EXO1: variants seen among roughly 807,000 people sequenced by gnomAD.
The protein encoded by EXO1 is exonuclease 1.
Under a neutral mutation model 84.5 loss-of-function variants are expected in EXO1, and 69 were observed. The ratio of observed to expected loss-of-function variants is 0.82; its 90% confidence interval spans 0.67 to 1.00. The LOEUF (loss-of-function observed/expected upper bound fraction) is 1.00. EXO1 is among the 50% of genes least tolerant of loss of function. The pLI, the probability that EXO1 is intolerant of heterozygous loss-of-function variation, is 0.00. For synonymous variants in EXO1, 373 were observed against 366.1 expected (o/e 1.02, Z -0.21); for missense variants, 1,045 against 1,000.7 (o/e 1.04, Z -0.60).
chr1:241,856,355 C>G (rs1290669961), intron 6 of EXO1, among the ~76,000 whole-genome samples: 1 of 150,810 alleles, frequency 6.6e-6, no homozygotes, highest in African/African-American at 2.4e-5. Flanking sequence ...TTCCAGCTGC[C>G]TAGATTTTGA....
chr1:241,852,559 C>G lies in EXO1; in HGVS notation c.281+148C>G, dbSNP rs1660732966. The G allele has an allele frequency of 1.7e-5, 12 of 722,544 alleles. No individual in the cohort carries two copies. In the South Asian group the frequency reaches 1.8e-4, roughly 11 times the overall value. 44.8% of individuals were successfully genotyped at this position (722,544 alleles called of 1,614,324 possible). A position where few individuals can be genotyped will look rare whatever the true frequency, so the allele number is the denominator to read the frequency against. ...ACTCGGGAGGTTGAGGCAAGAGGATCACTTGAGCCCAGGAGTTCAGCACCT... is the reference window on the plus strand; with the variant it reads ...ACTCGGGAGGTTGAGGCAAGAGGATGACTTGAGCCCAGGAGTTCAGCACCT... On this transcript the variant is annotated intron_variant, in intron 5 of 15. Coordinates refer to ENST00000366548, the MANE Select transcript of EXO1 (RefSeq NM_130398.4).
In EXO1 at chr1:241,878,411, T is replaced by G. The variant is rs974894850; in HGVS notation, c.1515-338T>G. On this transcript the variant is annotated intron_variant, in intron 12 of 15. Transcript: ENST00000366548. ...ACTCAGGAGGCTGAGGCAGGAGAAT[T>G]GCTTGAACCCGGGGGGCGGAGGTTG... 1.9e-4 allele frequency among the ~76,000 whole-genome samples: 28 copies of G among 151,316 alleles called. 1 individual carries two copies. The highest frequency in any genetic ancestry group is 4.9e-5 in the African/African-American group (2 of 41,132).
intron 15 of EXO1, among the ~76,000 whole-genome samples, chr1:241,888,196 C>T (rs1052720941): frequency 5.3e-5 from 8 of 151,902 alleles, no homozygotes; most frequent in Admixed American, 1.3e-4. Flanking sequence ...ACTGAGATTG[C>T]GGCACTGCAC....
chr1:241,861,594 A>G lies in EXO1; in HGVS notation c.1041+92A>G, dbSNP rs932074517. Reference sequence around the variant, plus strand: ...AATCTTCATACACTAAGCTTCTTTTAAGCGTTTCTATATCCAGGCTCTGTG... The same window carrying G: ...AATCTTCATACACTAAGCTTCTTTTGAGCGTTTCTATATCCAGGCTCTGTG... On this transcript the variant is annotated intron_variant, in intron 10 of 15. Coordinates refer to ENST00000366548, the MANE Select transcript of EXO1 (RefSeq NM_130398.4). 3.9e-6 allele frequency: 3 copies of G among 773,604 alleles called. No homozygotes were observed. In the African/African-American group the frequency reaches 5.1e-5, roughly 13 times the overall value. The allele number at this position is 773,604 out of a possible 1,614,324, so 47.9% of individuals were successfully genotyped here.
chr1:241,887,660 A>G (rs1399055931), intron 15 of EXO1, among the ~76,000 whole-genome samples: 1 of 151,952 alleles, frequency 6.6e-6, no homozygotes, highest in Non-Finnish European at 1.5e-5. Context: ...TTATTTTGAG[A>G]CAGAGTCTCT....
intron 12 of EXO1, among the ~76,000 whole-genome samples, chr1:241,874,730 T>C (rs1662293098): frequency 6.6e-6 from 1 of 152,366 alleles, no homozygotes; most frequent in African/African-American, 2.4e-5. Context: ...GGACTAACAA[T>C]TATAACAGCC....
At chr1:241,876,407 C>T (rs1662404762) in intron 12 of EXO1, among the ~76,000 whole-genome samples, 2 of 151,704 alleles carry the variant, frequency 1.3e-5, no homozygotes, top group African/African-American at 4.8e-5. Context: ...CATAGTGAAA[C>T]CCCGTCTCTA....
At chr1:241,878,207 G>A (rs1002709636) in intron 12 of EXO1, among the ~76,000 whole-genome samples, 2 of 152,170 alleles carry the variant, frequency 1.3e-5, no homozygotes, top group African/African-American at 4.8e-5. Flanking sequence ...CTTTTAGAAA[G>A]TCCTCTCTAG....
intron 10 of EXO1, among the ~76,000 whole-genome samples, chr1:241,865,195 A>T (rs79141503): frequency 0.11 from 13,040 of 120,358 alleles, 788 homozygotes; most frequent in Admixed American, 0.23. Flanking sequence ...ATATATATAT[A>T]TTTTTTGACT....
chr1:241,863,496 A>C (rs1661518508), intron 10 of EXO1, among the ~76,000 whole-genome samples: 1 of 152,150 alleles, frequency 6.6e-6, no homozygotes, highest in African/African-American at 2.4e-5. Context: ...TGGGCTAAGA[A>C]TATCTTAGTG....
At chr1:241,874,121 C>T (rs529879766) in intron 12 of EXO1, among the ~76,000 whole-genome samples, 2 of 152,176 alleles carry the variant, frequency 1.3e-5, no homozygotes, top group South Asian at 2.1e-4. Flanking sequence ...AGAGGGTCGC[C>T]GGGCACGATG....
chr1:241,853,537 T>C, intron 6 of EXO1, 56 bp downstream of exon 6: 6 of 1,599,598 alleles, frequency 3.8e-6, no homozygotes, highest in Non-Finnish European at 5.1e-6. Context: ...ACTTGTTTAT[T>C]GATGGGAGAG....
chr1:241,856,467 T>C (rs1004120018), intron 6 of EXO1, among the ~76,000 whole-genome samples: 1 of 152,090 alleles, frequency 6.6e-6, no homozygotes, highest in African/African-American at 2.4e-5. Context: ...CTATAATATA[T>C]ATGTAAGATA....
At position 241,866,825 on chromosome 1, in the gene EXO1, T is replaced by C; in HGVS notation, c.1042-5T>C. ...CAAATAATCTTTTTCCTTTTCCTTT[T>C]CTAGCCTGCCCATTCAAGAAGTCAT... On this transcript the variant is annotated splice_polypyrimidine_tract_variant and splice_region_variant and intron_variant, in intron 10 of 15. Coordinates refer to ENST00000366548, the MANE Select transcript of EXO1 (RefSeq NM_130398.4). 2 of 1,592,144 alleles carry C rather than the reference T, an allele frequency of 1.3e-6. No homozygotes were observed. The highest frequency in any genetic ancestry group is 1.7e-6 in the Non-Finnish European group (2 of 1,159,988).
At position 241,860,508 on chromosome 1, in the gene EXO1, C is replaced by A; in HGVS notation, c.757-9C>A. 1 of 1,599,370 alleles carries A rather than the reference C, an allele frequency of 6.3e-7. No individual in the cohort carries two copies. Among genetic ancestry groups the A allele is most frequent in the Non-Finnish European group, 8.6e-7 (1 of 1,166,610 alleles). On this transcript the variant is annotated splice_polypyrimidine_tract_variant and intron_variant, in intron 8 of 15. Transcript: ENST00000366548. ...GTTGCAGATAAAATATTTTTGCATGCATTGTTAGGTTATCAAGAAAATTGG... is the reference window on the plus strand; with the variant it reads ...GTTGCAGATAAAATATTTTTGCATGAATTGTTAGGTTATCAAGAAAATTGG...
intron 6 of EXO1, chr1:241,854,621 A>C (rs1660862469): frequency 6.6e-6 from 1 of 152,316 alleles, no homozygotes; most frequent in African/African-American, 2.4e-5. Flanking sequence ...GTGAAGTATA[A>C]AGAAATGTGT....
chr1:241,886,275 G>T (rs150563030), intron 15 of EXO1, among the ~76,000 whole-genome samples: 25 of 152,356 alleles, frequency 1.6e-4, no homozygotes, highest in African/African-American at 4.3e-4. Context: ...TGCAGTGTAT[G>T]TGGCCAGCAC....
At position 241,850,526 on chromosome 1, in the gene EXO1, GGCTTCACAAAGGA is replaced by G; in HGVS notation, c.105_117del (p.His36LeufsTer7). The stretch of plus-strand genomic sequence containing the variant: ...GTAGTAGCTGTGGATACATATTGCT[GGCTTCACAAAGGA>G]GCTATTGCTTGTGCTGAAAAACTAG... On this transcript the variant is annotated frameshift_variant, in exon 4 of 16. Transcript: ENST00000366548. LOFTEE classifies it high-confidence loss of function. 6.2e-7 allele frequency: 1 copy of G among 1,614,010 alleles called. No individual in the cohort carries two copies. Among genetic ancestry groups the G allele is most frequent in the Non-Finnish European group, 8.5e-7 (1 of 1,179,920 alleles).
chr1:241,866,582 T>A (rs1661744041), intron 10 of EXO1, among the ~76,000 whole-genome samples: 1 of 149,788 alleles, frequency 6.7e-6, no homozygotes, highest in Non-Finnish European at 1.5e-5. Flanking sequence ...TTTTTTTTTT[T>A]AGAAATGAGC....
Sources: gnomAD v4.1 joint callset for allele counts (sites outside exome capture counted in the v4.1 genomes callset) on GRCh38, gnomAD v4.1.1 for gene constraint, MANE v1.5 for transcripts, NCBI Gene and HGNC (gene_info 2026-07-23, HGNC 2026-07-21) for gene names.